The following MDGA1 variants were observed in gnomAD, a reference collection of about 807,000 sequenced individuals.
MDGA1 encodes the protein MAM domain-containing glycosylphosphatidylinositol anchor protein 1.
MDGA1 carries 54 observed loss-of-function variants against 101.5 expected under a neutral mutation model. The observed-to-expected ratio is 0.53, with a 90% CI of 0.43 to 0.67. MDGA1 has a LOEUF of 0.67. Among genes scored for constraint, MDGA1 ranks in the 30% least tolerant of loss-of-function variants. MDGA1 has a pLI of 0.00. For synonymous variants in MDGA1, 533 were observed against 558.3 expected, an observed-to-expected ratio of 0.95 and a Z score of 0.64; for missense variants, 1,083 against 1,323.8, an observed-to-expected ratio of 0.82 and a Z score of 2.82.
At position 37,638,926 on chromosome 6, in the gene MDGA1, C is replaced by T. The variant is rs1221218233; in HGVS notation, c.2537-259G>A. 1 of 424,492 alleles carries T rather than the reference C, an allele frequency of 2.4e-6. No homozygotes were observed. Among genetic ancestry groups the T allele is most frequent in the African/African-American group, 2.0e-5 (1 of 49,556 alleles). The allele number at this position is 424,492 out of a possible 1,614,324, so 26.3% of individuals were successfully genotyped here. A position where few individuals can be genotyped will look rare whatever the true frequency, so the allele number is the denominator to read the frequency against. On this transcript the variant is annotated intron_variant, in intron 14 of 16. Coordinates refer to ENST00000434837, the MANE Select transcript of MDGA1 (RefSeq NM_153487.4). This position sits in a 1 kb window ranked among gnomAD's most constrained non-coding sequence, Gnocchi z 4.8. Reference sequence around the variant, plus strand: ...TTCATTTCTTTCCTGCCCTGCTAATCAGCTAATCTCCCCAACCCCAAACAC... The same window carrying T: ...TTCATTTCTTTCCTGCCCTGCTAATTAGCTAATCTCCCCAACCCCAAACAC...
chr6:37,689,439 T>C (rs560237102), intron 1 of MDGA1, among the ~76,000 whole-genome samples: 132 of 152,318 alleles, frequency 8.7e-4, no homozygotes, highest in African/African-American at 2.9e-3. Context: ...TTCACTCACA[T>C]TGTCACTAAA....
chr6:37,660,385 G>T (rs1444185121), intron 2 of MDGA1, among the ~76,000 whole-genome samples: 4 of 151,788 alleles, frequency 2.6e-5, no homozygotes, highest in Non-Finnish European at 5.9e-5. Context: ...AATTTATGTT[G>T]TAGCTTCTCA....
intron 8 of MDGA1, 192 bp downstream of exon 8, chr6:37,649,917 T>G: frequency 1.3e-6 from 1 of 743,078 alleles, no homozygotes; most frequent in Non-Finnish European, 2.4e-6. Context: ...TGGGAGATAC[T>G]TGATGAAATG....
chr6:37,643,699 G>A lies in MDGA1; in HGVS notation c.2536+110C>T, dbSNP rs188241528. ...GTCCAAGGACCTCTCATTTAGCCAA[G>A]TGGGGAAGCTGAGGCCTCACATGGG... is the stretch of plus-strand genomic sequence containing the variant. On this transcript the variant is annotated intron_variant, in intron 14 of 16. Transcript: ENST00000434837. 4.5e-4 allele frequency: 660 copies of A among 1,465,614 alleles called. 8 individuals are homozygous for A. The South Asian group carries it at 8.3e-3, about 18-fold the overall frequency. The allele number at this position is 1,465,614 out of a possible 1,614,324, so 90.8% of individuals were successfully genotyped here. A position where few individuals can be genotyped will look rare whatever the true frequency, so the allele number is the denominator to read the frequency against.
chr6:37,684,072 C>T (rs1448719743), intron 1 of MDGA1, among the ~76,000 whole-genome samples: 2 of 152,254 alleles, frequency 1.3e-5, no homozygotes, highest in Non-Finnish European at 2.9e-5. Context: ...TCTCATGGCT[C>T]AAGATCCAGC....
chr6:37,686,381 G>T (rs1762197659), intron 1 of MDGA1, among the ~76,000 whole-genome samples: 1 of 150,892 alleles, frequency 6.6e-6, no homozygotes, highest in Non-Finnish European at 1.5e-5. Context: ...CAGATGACTG[G>T]TTTCCACCCC....
In MDGA1 at chr6:37,633,420, G is replaced by A. The variant is rs948222026; in HGVS notation, c.*3948C>T. 1.3e-5 allele frequency: 2 copies of A among 152,264 alleles called. No individual in the cohort carries two copies. Among genetic ancestry groups the A allele is most frequent in the African/African-American group, 2.4e-5 (1 of 41,432 alleles). 9.4% of individuals were successfully genotyped at this position (152,264 alleles called of 1,614,324 possible). A position where few individuals can be genotyped will look rare whatever the true frequency, so the allele number is the denominator to read the frequency against. The stretch of plus-strand genomic sequence containing the variant: ...AGCTGCCCAGCGAGAAAAAACACAA[G>A]GATTCTGCACGCCCCATCCGTGACC... On this transcript the variant is annotated 3_prime_UTR_variant, in exon 17 of 17. Coordinates refer to ENST00000434837, the MANE Select transcript of MDGA1 (RefSeq NM_153487.4).
chr6:37,641,262 T>C (rs112719166), intron 14 of MDGA1, among the ~76,000 whole-genome samples: 2,081 of 152,282 alleles, frequency 0.014, 45 homozygotes, highest in African/African-American at 0.045. Context: ...CCTTTGTCTA[T>C]GGGAAGTGCC....
chr6:37,692,004 C>T (rs866383016), intron 1 of MDGA1, among the ~76,000 whole-genome samples: 12 of 152,306 alleles, frequency 7.9e-5, no homozygotes, highest in Middle Eastern at 3.4e-3. Context: ...GCTTTGGCTA[C>T]GGGCAGGTGC....
chr6:37,654,296 C>G lies in MDGA1; in HGVS notation c.960G>C (p.Lys320Asn). ...TACATCGCACCAGCAGGTTGACAGT[C>G]TTCTTGGCAGGGTTGCCCACATTGT... ...ATNNVGNPAK[K>N]TVNLLVRSMK... Residue 320 changes from lysine to asparagine, a missense_variant, in exon 6 of 17, where the codon AAG (lysine) becomes AAC (asparagine). Physicochemically the swap from Lys to Asn is moderately conservative, Grantham distance 94. Around this residue, in one of 3 missense-constraint regions of MDGA1, gnomAD observed 116 missense variants for 196.6 expected, o/e 0.59. Coordinates refer to ENST00000434837, the MANE Select transcript of MDGA1 (RefSeq NM_153487.4). 1 of 1,560,588 alleles carries G rather than the reference C, an allele frequency of 6.4e-7. No homozygotes were observed. The highest frequency in any genetic ancestry group is 8.7e-7 in the Non-Finnish European group (1 of 1,152,646).
At position 37,649,284 on chromosome 6, in the gene MDGA1, G is replaced by A. The variant is rs1039639762; in HGVS notation, c.1610-18C>T. 6.8e-6 allele frequency: 10 copies of A among 1,466,914 alleles called. No individual in the cohort carries two copies. The Admixed American group carries it at 1.5e-4, about 22-fold the overall frequency. 90.9% of individuals were successfully genotyped at this position (1,466,914 alleles called of 1,614,324 possible). ...CGGCGGGACTGGGGGCGGGAGCGGCGGTCAGCGGGGCCTCTCCCCAGCGAG... is the reference window on the plus strand; with the variant it reads ...CGGCGGGACTGGGGGCGGGAGCGGCAGTCAGCGGGGCCTCTCCCCAGCGAG... On this transcript the variant is annotated intron_variant, in intron 8 of 16. Coordinates refer to ENST00000434837, the MANE Select transcript of MDGA1 (RefSeq NM_153487.4).
chr6:37,694,783 G>A (rs990258067), intron 1 of MDGA1, among the ~76,000 whole-genome samples: 2 of 152,142 alleles, frequency 1.3e-5, no homozygotes, highest in Admixed American at 1.3e-4. Context: ...AGGAAAAGTG[G>A]CATGTCACCC....
rs1438167416 is a variant in MDGA1 at position 37,696,080 on chromosome 6, G to T, written c.67+665C>A. Among the ~76,000 whole-genome samples the T allele has an allele frequency of 6.6e-6, 1 of 152,206 alleles. No homozygotes were observed. The highest frequency in any genetic ancestry group is 1.5e-5 in the Non-Finnish European group (1 of 68,040). ...GCGTGCCGTGTTTGCGTTTTCTGGG[G>T]ATGGTGGCTGAATGTATCTGTGTGT... On this transcript the variant is annotated intron_variant, in intron 1 of 16. Transcript: ENST00000434837. This position sits in a 1 kb window ranked among gnomAD's most constrained non-coding sequence, Gnocchi z 5.6.
At position 37,655,950 on chromosome 6, in the gene MDGA1, G is replaced by A. The variant is rs1761477798; in HGVS notation, c.383-54C>T. On this transcript the variant is annotated intron_variant, in intron 3 of 16. Transcript: ENST00000434837. The surrounding 1 kb of genome is among the most constrained non-coding windows in gnomAD (Gnocchi z 5.1). ...GGACTGGGTGACCCCAAGGTTGGGG[G>A]GCTCAGGCTCCTGGCAGCCCTTAGG... 4 of 1,478,898 alleles carry A rather than the reference G, an allele frequency of 2.7e-6. No homozygotes were observed. The highest frequency in any genetic ancestry group is 3.6e-6 in the Non-Finnish European group (4 of 1,097,578). The allele number at this position is 1,478,898 out of a possible 1,614,324, so 91.6% of individuals were successfully genotyped here. A position where few individuals can be genotyped will look rare whatever the true frequency, so the allele number is the denominator to read the frequency against.
In MDGA1 at chr6:37,638,282, T is replaced by C. The variant is rs1763980653; in HGVS notation, c.2699A>G (p.Tyr900Cys). The change falls in exon 16 of 17, where the codon TAC becomes TGC. Residue 900 changes from tyrosine (Y) to cysteine (C), a missense_variant. This residue lies in a region of MDGA1 where 657 missense variants were observed against 771.4 expected (regional missense o/e 0.85). Transcript: ENST00000434837. This position sits in a 1 kb window ranked among gnomAD's most constrained non-coding sequence, Gnocchi z 4.8. ...GTCATCTATGGCAATATCCCCCAGG[T>C]AGCCCGGGCCTCGAACCCCCTCAAA... ...IIFEGVRGPGYLGDIAIDDVT... is the reference protein window; with the variant it reads ...IIFEGVRGPGCLGDIAIDDVT... The C allele has an allele frequency of 1.2e-6, 2 of 1,612,646 alleles. No homozygotes were observed. Among genetic ancestry groups the C allele is most frequent in the Non-Finnish European group, 1.7e-6 (2 of 1,179,522 alleles).
At chr6:37,637,919 G>A in intron 16 of MDGA1, 1 of 550,330 alleles carries the variant, frequency 1.8e-6, no homozygotes, top group South Asian at 2.9e-5. Flanking sequence ...GGAGCCAGAG[G>A]TACGCACAGA....
At position 37,663,968 on chromosome 6, in the gene MDGA1, T is replaced by C. The variant is rs761259136; in HGVS notation, c.206A>G (p.Gln69Arg). ...AGCAAGGCTGGGCTGGGGGCTTACC[T>C]GGGGTCGAGGGTGCCCTGTTACAAG... ...QCLVTGHPRP[Q>R]VRWTKTAGSA... is the part of the protein sequence containing the mutation. The change falls in exon 2 of 17, where the codon CAG (glutamine) becomes CGG (arginine). Residue 69 changes from glutamine to arginine, a missense_variant and splice_region_variant. Physicochemically the swap from Gln to Arg is conservative, Grantham distance 43 (BLOSUM62 1). Coordinates refer to ENST00000434837, the MANE Select transcript of MDGA1 (RefSeq NM_153487.4). 5.0e-6 allele frequency: 8 copies of C among 1,613,606 alleles called. No individual in the cohort carries two copies. The highest frequency in any genetic ancestry group is 6.8e-6 in the Non-Finnish European group (8 of 1,179,754).
chr6:37,650,504 A>C, intron 7 of MDGA1, 99 bp from the exon 8 acceptor site: 1 of 1,269,304 alleles, frequency 7.9e-7, no homozygotes, highest in Non-Finnish European at 1.0e-6. Flanking sequence ...GCTAGGGGCA[A>C]GCCTCTCTCT....
chr6:37,654,684 G>A, intron 5 of MDGA1, 116 bp downstream of exon 5: 1 of 1,538,380 alleles, frequency 6.5e-7, no homozygotes, highest in Non-Finnish European at 8.9e-7. Flanking sequence ...GGAAGAGGAG[G>A]GGAGGGGCCA....
Sources: allele counts gnomAD v4.1 joint callset (sites outside exome capture counted in the v4.1 genomes callset), GRCh38; gene constraint gnomAD v4.1.1; regional missense constraint gnomAD v4.1.1; non-coding constraint Gnocchi (gnomAD v3.1); transcripts MANE v1.5; gene names NCBI Gene and HGNC (gene_info 2026-07-23, HGNC 2026-07-21).